PTPRR: variants seen among roughly 807,000 people sequenced by gnomAD.
PTPRR encodes the protein receptor-type tyrosine-protein phosphatase R.
PTPRR carries 38 observed loss-of-function variants against 77.2 expected under a neutral mutation model. The observed-to-expected ratio is 0.49, with a 90% CI of 0.38 to 0.65. PTPRR has a LOEUF of 0.65. PTPRR is among the 30% of genes least tolerant of loss of function. The pLI, the probability that PTPRR is intolerant of heterozygous loss-of-function variation, is 0.00. For missense variants in PTPRR, 744 were observed against 799.2 expected (o/e 0.93, Z 0.83); for synonymous variants, 299 against 283.1 (o/e 1.06, Z -0.57).
rs554064864 is a variant in PTPRR at position 70,816,917 on chromosome 12, A to G, written c.358-52139T>C. 5.1e-4 allele frequency among the ~76,000 whole-genome samples: 78 copies of G among 152,286 alleles called. No individual in the cohort carries two copies. The South Asian group carries it at 0.013, about 26-fold the overall frequency. ...TGATTATGGACAGCTGTAGTATTTT[A>G]TCAGCCTCAGCTTCTAGGTTTATTT... is the stretch of plus-strand genomic sequence containing the variant. On this transcript the variant is annotated intron_variant, in intron 2 of 13. Coordinates refer to ENST00000283228, the MANE Select transcript of PTPRR (RefSeq NM_002849.4).
In PTPRR at chr12:70,893,001, C is replaced by T. The variant is rs188644044; in HGVS notation, c.59-24G>A. 27 of 1,606,602 alleles carry T rather than the reference C, an allele frequency of 1.7e-5. No homozygotes were observed. The African/African-American group carries it at 2.9e-4, about 18-fold the overall frequency. On this transcript the variant is annotated intron_variant, in intron 1 of 13. Transcript: ENST00000283228. ...CCCTGAAAGAGGGAAGAAGCAGAAA[C>T]AATATCAAAGACCCTATTCAGTAAG... is the stretch of plus-strand genomic sequence containing the variant.
intron 2 of PTPRR, 107 bp from the exon 3 acceptor site, chr12:70,764,885 C>T: frequency 2.6e-6 from 2 of 774,136 alleles, no homozygotes; most frequent in South Asian, 3.3e-5. Context: ...CAGTTCTTGA[C>T]TCATGACTGA....
intron 10 of PTPRR, among the ~76,000 whole-genome samples, chr12:70,673,258 T>C (rs1887314503): frequency 6.6e-6 from 1 of 152,112 alleles, no homozygotes; most frequent in Non-Finnish European, 1.5e-5. Context: ...GCAATCTTAG[T>C]TTCTGTCCTG....
At chr12:70,889,194 G>A (rs770368109) in intron 2 of PTPRR, among the ~76,000 whole-genome samples, 8 of 152,022 alleles carry the variant, frequency 5.3e-5, no homozygotes, top group East Asian at 3.9e-4. Flanking sequence ...CCCATCCTTC[G>A]GGTAATCCAC....
chr12:70,789,639 A>G (rs1272424160), intron 2 of PTPRR, among the ~76,000 whole-genome samples: 1 of 152,156 alleles, frequency 6.6e-6, no homozygotes, highest in East Asian at 1.9e-4. Flanking sequence ...CTAAAAATAG[A>G]TGGCAACAAA....
At chr12:70,800,974 C>T (rs921352977) in intron 2 of PTPRR, among the ~76,000 whole-genome samples, 17 of 151,778 alleles carry the variant, frequency 1.1e-4, no homozygotes, top group East Asian at 3.9e-4. Context: ...TCCCCACAAA[C>T]CCCACCACAC....
intron 2 of PTPRR, among the ~76,000 whole-genome samples, chr12:70,850,870 C>T (rs1892561384): frequency 6.6e-6 from 1 of 152,178 alleles, no homozygotes; most frequent in South Asian, 2.1e-4. Flanking sequence ...AATACAACCT[C>T]AGTACATCTT....
In PTPRR at chr12:70,764,759, T is replaced by A. The variant is rs1386367761; in HGVS notation, c.377A>T (p.Asn126Ile). Residue 126 changes from asparagine to isoleucine, a missense_variant, in exon 3 of 14, where the codon AAC becomes ATC. Asn to Ile is a moderately radical substitution (Grantham distance 149). Coordinates refer to ENST00000283228, the MANE Select transcript of PTPRR (RefSeq NM_002849.4). The part of the protein sequence containing the change: ...VIVVTLQMDV[N>I]KLNITLLRIF... ...CCGAAGCAAGGTTATGTTCAGCTTG[T>A]TTACATCCATTTGCAGTGTCTAGAA... 1 of 1,613,740 alleles carries A rather than the reference T, an allele frequency of 6.2e-7. No individual in the cohort carries two copies. Among genetic ancestry groups the A allele is most frequent in the Non-Finnish European group, 8.5e-7 (1 of 1,179,628 alleles).
intron 2 of PTPRR, among the ~76,000 whole-genome samples, chr12:70,833,888 C>T (rs543022563): frequency 2.0e-5 from 3 of 152,198 alleles, no homozygotes; most frequent in East Asian, 1.9e-4. Context: ...AAAAGGCAGC[C>T]CCAGCCAGGC....
chr12:70,839,317 ATGTG>A (rs71817615), intron 2 of PTPRR, among the ~76,000 whole-genome samples: 3 of 150,134 alleles, frequency 2.0e-5, no homozygotes, highest in Admixed American at 1.3e-4. Context: ...TATTCTGGAT[ATGTG>A]TGTGTGTGTG....
At chr12:70,913,063 A>G (rs747351304) in intron 1 of PTPRR, among the ~76,000 whole-genome samples, 4 of 152,172 alleles carry the variant, frequency 2.6e-5, no homozygotes, top group Non-Finnish European at 4.4e-5. Flanking sequence ...AACTTGCCAT[A>G]AAATATAACA....
chr12:70,701,109 A>G (rs781236278), intron 7 of PTPRR, 28 bp downstream of exon 7: 26 of 1,611,974 alleles, frequency 1.6e-5, no homozygotes, highest in Non-Finnish European at 2.0e-5. Context: ...ATACCGACTG[A>G]AGAGTGAACA....
chr12:70,837,708 G>A (rs1892328420), intron 2 of PTPRR, among the ~76,000 whole-genome samples: 1 of 152,010 alleles, frequency 6.6e-6, no homozygotes, highest in South Asian at 2.1e-4. Flanking sequence ...CTCCTTTTTG[G>A]GTTTTCATGG....
rs149279248 is a variant in PTPRR, at chr12:70,737,525, T to TCTAG, written c.1007+8292_1007+8293insCTAG. On this transcript the variant is annotated intron_variant, in intron 6 of 13. Coordinates refer to ENST00000283228, the MANE Select transcript of PTPRR (RefSeq NM_002849.4). ...ATCTATCTATCTATCTATCTATCTA[T>TCTAG]CTATCTATCTTTCGAGACAAAGTCT... 7.3e-3 allele frequency among the ~76,000 whole-genome samples: 1,110 copies of TCTAG among 151,460 alleles called. 21 individuals are homozygous for TCTAG. Among genetic ancestry groups the TCTAG allele is most frequent in the African/African-American group, 0.026 (1,052 of 41,214 alleles).
chr12:70,690,761 A>G (rs967585057), intron 8 of PTPRR, among the ~76,000 whole-genome samples: 1 of 152,234 alleles, frequency 6.6e-6, no homozygotes, highest in African/African-American at 2.4e-5. Flanking sequence ...ATTGTCTTAA[A>G]TTCTAAAATC....
chr12:70,854,095 G>T (rs1892614948), intron 2 of PTPRR, among the ~76,000 whole-genome samples: 3 of 152,086 alleles, frequency 2.0e-5, no homozygotes, highest in Admixed American at 2.0e-4. Flanking sequence ...AAAATTGCAT[G>T]CCAGCAAGGA....
intron 2 of PTPRR, among the ~76,000 whole-genome samples, chr12:70,834,487 G>A (rs1426738996): frequency 1.3e-5 from 2 of 152,180 alleles, no homozygotes; most frequent in African/African-American, 4.8e-5. Context: ...TCTCAAATGA[G>A]TTTGGTGTTG....
intron 1 of PTPRR, among the ~76,000 whole-genome samples, chr12:70,913,076 C>T (rs1049530924): frequency 2.6e-5 from 4 of 152,032 alleles, no homozygotes; most frequent in Non-Finnish European, 4.4e-5. Context: ...ATATAACATC[C>T]GTGTTATCTC....
At chr12:70,849,101 G>C (rs1399895272) in intron 2 of PTPRR, among the ~76,000 whole-genome samples, 1 of 152,082 alleles carries the variant, frequency 6.6e-6, no homozygotes, top group Non-Finnish European at 1.5e-5. Context: ...ATTTAGCCTG[G>C]AGAAGAAAAG....
Sources: gnomAD v4.1 joint callset for allele counts (sites outside exome capture counted in the v4.1 genomes callset) on GRCh38, gnomAD v4.1.1 for gene constraint, MANE v1.5 for transcripts, NCBI Gene and HGNC (gene_info 2026-07-23, HGNC 2026-07-21) for gene names.